The following NTRK3 variants were observed in gnomAD, a reference collection of about 807,000 sequenced individuals.
The protein encoded by NTRK3 is neurotrophic receptor tyrosine kinase 3.
In NTRK3, 24 loss-of-function variants were observed where a neutral mutation model predicts 91.7. That is an observed-to-expected ratio of 0.26 (90% CI 0.19 to 0.37). NTRK3 has a LOEUF of 0.37. NTRK3 is among the 10% of genes least tolerant of loss of function. NTRK3 has a pLI of 1.00. For missense variants in NTRK3, 880 were observed against 1,068.9 expected, an observed-to-expected ratio of 0.82 and a Z score of 2.46; for synonymous variants, 483 against 404.0, an observed-to-expected ratio of 1.20 and a Z score of -2.34.
chr15:88,127,315 T>C (rs1403334835), intron 11 of NTRK3, 89 bp from the exon 12 acceptor site: 17 of 1,063,176 alleles, frequency 1.6e-5, no homozygotes, highest in Non-Finnish European at 2.5e-5. Flanking sequence ...CCAAGCTCCC[T>C]TGAGACTTCC....
chr15:88,113,614 TCTAA>T (rs2051696805), intron 13 of NTRK3, among the ~76,000 whole-genome samples: 1 of 152,064 alleles, frequency 6.6e-6, no homozygotes, highest in South Asian at 2.1e-4. Flanking sequence ...CCACAGCTGG[TCTAA>T]CTTTTTTTTT....
At chr15:88,003,512 G>A (rs1008692326) in intron 14 of NTRK3, among the ~76,000 whole-genome samples, 5 of 152,144 alleles carry the variant, frequency 3.3e-5, no homozygotes, top group African/African-American at 1.2e-4. Context: ...TTTTACTGGT[G>A]AAAGAACTAT....
intron 17 of NTRK3, among the ~76,000 whole-genome samples, chr15:87,918,732 T>G (rs1208922083): frequency 6.6e-6 from 1 of 152,226 alleles, no homozygotes; most frequent in Non-Finnish European, 1.5e-5. Flanking sequence ...AGGAATTGAA[T>G]TGAATCCCAT....
chr15:88,229,017 C>A (rs184301254), intron 3 of NTRK3, among the ~76,000 whole-genome samples: 121 of 152,280 alleles, frequency 7.9e-4, no homozygotes, highest in African/African-American at 2.8e-3. Context: ...CTCACCAGGA[C>A]ATATTGGCTG....
exon 18 of NTRK3, chr15:87,880,379 A>G: frequency 6.2e-7 from 1 of 1,614,126 alleles, no homozygotes; most frequent in Non-Finnish European, 8.5e-7. Context: ...CCGGTACATG[A>G]TGCTTTCAGG....
At chr15:87,900,320 C>A (rs2066375167) in intron 17 of NTRK3, among the ~76,000 whole-genome samples, 1 of 152,118 alleles carries the variant, frequency 6.6e-6, no homozygotes, top group South Asian at 2.1e-4. Flanking sequence ...GCCACACAGC[C>A]CTGGCAAGGC....
chr15:88,105,211 ATTC>A (rs1434962888), intron 13 of NTRK3, among the ~76,000 whole-genome samples: 1 of 152,220 alleles, frequency 6.6e-6, no homozygotes, highest in Non-Finnish European at 1.5e-5. Context: ...TCCCCAGCTT[ATTC>A]TTAACGTTGC....
At chr15:88,221,506 T>C (rs2050232020) in intron 3 of NTRK3, among the ~76,000 whole-genome samples, 1 of 152,178 alleles carries the variant, frequency 6.6e-6, no homozygotes, top group African/African-American at 2.4e-5. Flanking sequence ...AACAAGGAGT[T>C]TACCGTCAGG....
intron 14 of NTRK3, among the ~76,000 whole-genome samples, chr15:87,983,145 T>C (rs2074440239): frequency 6.6e-6 from 1 of 152,246 alleles, no homozygotes; most frequent in South Asian, 2.1e-4. Flanking sequence ...TCATTCATCA[T>C]CTTCAAGTTG....
At chr15:88,033,525 G>C (rs1052475644) in intron 13 of NTRK3, among the ~76,000 whole-genome samples, 22 of 151,802 alleles carry the variant, frequency 1.4e-4, no homozygotes, top group Non-Finnish European at 2.9e-5. Flanking sequence ...TGGCCAGGAT[G>C]GTCTCAAACT....
At chr15:87,872,269 T>C (rs1178611480) in exon 19 of NTRK3, 1 of 219,656 alleles carries the variant, frequency 4.6e-6, no homozygotes, top group Non-Finnish European at 9.1e-6. Context: ...CTCAAGACTG[T>C]CCATTGCAAT....
At chr15:88,194,365 T>G (rs1208243299) in intron 3 of NTRK3, among the ~76,000 whole-genome samples, 1 of 152,258 alleles carries the variant, frequency 6.6e-6, no homozygotes, top group Non-Finnish European at 1.5e-5. Flanking sequence ...TGTGCATCTC[T>G]GGCAGAACTT....
intron 13 of NTRK3, among the ~76,000 whole-genome samples, chr15:88,054,731 C>T (rs2045533663): frequency 6.6e-6 from 1 of 151,858 alleles, no homozygotes; most frequent in Admixed American, 6.6e-5. Context: ...TATAGAAATG[C>T]TCCTAGCTTC....
intron 5 of NTRK3, among the ~76,000 whole-genome samples, chr15:88,158,726 G>T (rs2044152093): frequency 6.6e-6 from 1 of 152,186 alleles, no homozygotes; most frequent in Non-Finnish European, 1.5e-5. Context: ...GGAGTCCCAG[G>T]TGGGCGCTGC....
At chr15:88,070,719 C>T (rs986361651) in intron 13 of NTRK3, among the ~76,000 whole-genome samples, 2 of 152,260 alleles carry the variant, frequency 1.3e-5, no homozygotes, top group Non-Finnish European at 1.5e-5. Flanking sequence ...CCACCTAGGT[C>T]TGCAGGGAAG....
intron 13 of NTRK3, among the ~76,000 whole-genome samples, chr15:88,097,462 T>C (rs1262279006): frequency 6.6e-6 from 1 of 152,190 alleles, no homozygotes; most frequent in Non-Finnish European, 1.5e-5. Flanking sequence ...CATACACTGA[T>C]AGAGGCTTTG....
At chr15:88,184,386 C>T (rs188194901) in intron 3 of NTRK3, 87 bp from the exon 4 acceptor site, 1 of 1,259,952 alleles carries the variant, frequency 7.9e-7, no homozygotes, top group African/African-American at 1.5e-5. Context: ...GCTTTGATCC[C>T]CGATGAGCTA....
intron 14 of NTRK3, among the ~76,000 whole-genome samples, chr15:88,001,111 A>C (rs1596615963): frequency 6.6e-6 from 1 of 152,270 alleles, no homozygotes; most frequent in African/African-American, 2.4e-5. Flanking sequence ...ATAATGAGCA[A>C]CTTTTCCTGT....
intron 5 of NTRK3, among the ~76,000 whole-genome samples, chr15:88,177,365 C>T (rs1272950605): frequency 6.6e-6 from 1 of 152,112 alleles, no homozygotes. Flanking sequence ...AGTTAGAAGG[C>T]TACTGTCACA....
Sources: allele counts gnomAD v4.1 joint callset (sites outside exome capture counted in the v4.1 genomes callset), GRCh38; gene constraint gnomAD v4.1.1; transcripts MANE v1.5; gene names NCBI Gene and HGNC (gene_info 2026-07-23, HGNC 2026-07-21).